FGFR1: variants seen among roughly 807,000 people sequenced by gnomAD.
FGFR1 encodes fibroblast growth factor receptor 1, also known as FGFR1/PLAG1 fusion.
Under a neutral mutation model 93.7 loss-of-function variants are expected in FGFR1, and 18 were observed. That is an observed-to-expected ratio of 0.19 (90% CI 0.13 to 0.28). The LOEUF (loss-of-function observed/expected upper bound fraction) is 0.28. Among genes scored for constraint, FGFR1 ranks in the 10% least tolerant of loss-of-function variants. The probability of loss-of-function intolerance (pLI) is 1.00; values close to 1 mark genes in which losing one functional copy is unlikely to be tolerated. For synonymous variants in FGFR1, 448 were observed against 429.3 expected (o/e 1.04, Z -0.54); for missense variants, 731 against 1,080.4 (o/e 0.68, Z 4.53).
At chr8:38,466,982 A>G (rs975010476) in intron 1 of FGFR1, among the ~76,000 whole-genome samples, 1 of 151,482 alleles carries the variant, frequency 6.6e-6, no homozygotes, top group Non-Finnish European at 1.5e-5. Context: ...AAGGTCCATA[A>G]AATTCCTCCG....
At position 38,415,879 on chromosome 8, in the gene FGFR1, G is replaced by C. The variant is rs768986378; in HGVS notation, c.1845C>G (p.Ala615=). The C allele has an allele frequency of 6.2e-7, 1 of 1,613,644 alleles. No individual in the cohort carries two copies. Among genetic ancestry groups the C allele is most frequent in the Admixed American group, 1.7e-5 (1 of 60,030 alleles). ...YQVARGMEYL[A]SKKCIHRDLA... ...CCTTCAGGTTCCACACCTTCTTGGA[G>C]GCCAGATACTCCATGCCTCGGGCCA... Residue 615 remains alanine, a synonymous_variant, in exon 13 of 18, where the codon GCC becomes GCG. Coordinates refer to ENST00000447712, the MANE Select transcript of FGFR1 (RefSeq NM_023110.3).
chr8:38,452,200 G>GACACACAGACACAC (rs1391126494), intron 2 of FGFR1, among the ~76,000 whole-genome samples: 14 of 139,186 alleles, frequency 1.0e-4, no homozygotes, highest in African/African-American at 3.3e-4. Flanking sequence ...CAGACACACA[G>GACACACAGACACAC]ACACACACAC....
chr8:38,424,825 A>G lies in FGFR1; in HGVS notation c.746-126T>C. 1 of 932,716 alleles carries G rather than the reference A, an allele frequency of 1.1e-6. No individual in the cohort carries two copies. 57.8% of individuals were successfully genotyped at this position (932,716 alleles called of 1,614,324 possible). On this transcript the variant is annotated intron_variant, in intron 6 of 17. Coordinates refer to ENST00000447712, the MANE Select transcript of FGFR1 (RefSeq NM_023110.3). The surrounding 1 kb of genome is among the most constrained non-coding windows in gnomAD (Gnocchi z 4.3). ...TGTAAACCTCCCAGCACTTCTGCTGAGCCCAAGCCTCTCAAAACAGAGCTG... is the reference window on the plus strand; with the variant it reads ...TGTAAACCTCCCAGCACTTCTGCTGGGCCCAAGCCTCTCAAAACAGAGCTG...
At chr8:38,467,096 G>A (rs906163851) in intron 1 of FGFR1, among the ~76,000 whole-genome samples, 1 of 151,948 alleles carries the variant, frequency 6.6e-6, no homozygotes, top group Non-Finnish European at 1.5e-5. Context: ...CATCGCTGCC[G>A]AGTGAACCAC....
intron 2 of FGFR1, among the ~76,000 whole-genome samples, chr8:38,456,435 C>G (rs1832870888): frequency 6.6e-6 from 1 of 152,158 alleles, no homozygotes; most frequent in Non-Finnish European, 1.5e-5. Flanking sequence ...CTCCATGCCC[C>G]TTTATGCTTC....
At position 38,429,163 on chromosome 8, in the gene FGFR1, T is replaced by G. The variant is rs1821881810; in HGVS notation, c.358+519A>C. 1 of 371,442 alleles carries G rather than the reference T, an allele frequency of 2.7e-6. No individual in the cohort carries two copies. Among genetic ancestry groups the G allele is most frequent in the Non-Finnish European group, 5.3e-6 (1 of 187,902 alleles). The allele number at this position is 371,442 out of a possible 1,614,324, so 23.0% of individuals were successfully genotyped here. A position where few individuals can be genotyped will look rare whatever the true frequency, so the allele number is the denominator to read the frequency against. ...TCCTCAACTCCTAGTTTTGTGAAAG[T>G]CACATTCTAAGAGTGGCAAGTTCCC... On this transcript the variant is annotated intron_variant, in intron 3 of 17. Coordinates refer to ENST00000447712, the MANE Select transcript of FGFR1 (RefSeq NM_023110.3). This position sits in a 1 kb window ranked among gnomAD's most constrained non-coding sequence, Gnocchi z 4.4.
At chr8:38,425,748 T>G (rs1212624729) in intron 6 of FGFR1, among the ~76,000 whole-genome samples, 1 of 152,190 alleles carries the variant, frequency 6.6e-6, no homozygotes, top group Non-Finnish European at 1.5e-5. Context: ...CTGCCCACCT[T>G]GCAGGTGTGC....
intron 2 of FGFR1, among the ~76,000 whole-genome samples, chr8:38,433,093 T>C (rs1823886290): frequency 1.3e-5 from 2 of 152,122 alleles, no homozygotes; most frequent in African/African-American, 4.8e-5. Flanking sequence ...ATCCCAGCAC[T>C]TGGGGAGGCT....
At chr8:38,457,287 T>A (rs2151337290) in intron 2 of FGFR1, 69 bp downstream of exon 2, 5 of 1,555,294 alleles carry the variant, frequency 3.2e-6, no homozygotes, top group Non-Finnish European at 4.4e-6. Context: ...TGCAACCATA[T>A]CACCTCCCTC....
At chr8:38,422,552 C>G (rs1284497318) in intron 7 of FGFR1, among the ~76,000 whole-genome samples, 2 of 152,144 alleles carry the variant, frequency 1.3e-5, no homozygotes, top group African/African-American at 2.4e-5. Flanking sequence ...TACAGGCACA[C>G]GCCACCATAC....
intron 1 of FGFR1, chr8:38,461,078 G>A (rs1381491389): frequency 1.3e-6 from 2 of 1,536,072 alleles, no homozygotes; most frequent in Admixed American, 2.0e-5. Context: ...ACTCATCAGA[G>A]GGGGCTGAAA....
chr8:38,417,311 T>C lies in FGFR1; in HGVS notation c.1658A>G (p.Gln553Arg). 1 of 1,612,942 alleles carries C rather than the reference T, an allele frequency of 6.2e-7. No individual in the cohort carries two copies. The highest frequency in any genetic ancestry group is 1.1e-5 in the South Asian group (1 of 91,082). ...NIINLLGACT[Q>R]DGPLYVIVEY... ...CCAGTCTGGCCGGCACCCACCATCC[T>C]GCGTGCAGGCCCCCAGCAGGTTGAT... The change falls in exon 12 of 18, where the codon CAG becomes CGG. Residue 553 changes from glutamine to arginine, a missense_variant. Physicochemically the swap from Gln to Arg is conservative, Grantham distance 43. Transcript: ENST00000447712.
chr8:38,467,562 T>C (rs915727234), intron 1 of FGFR1: 1 of 234,632 alleles, frequency 4.3e-6, no homozygotes, highest in Non-Finnish European at 8.4e-6. Context: ...CACACACACA[T>C]AACACACACA....
intron 2 of FGFR1, among the ~76,000 whole-genome samples, chr8:38,441,671 A>G (rs527822451): frequency 1.3e-5 from 2 of 152,338 alleles, no homozygotes; most frequent in South Asian, 2.1e-4. Context: ...GCGGCTATGG[A>G]GGAGGGCCGT....
intron 12 of FGFR1, among the ~76,000 whole-genome samples, chr8:38,417,056 A>G (rs1054848481): frequency 3.9e-5 from 6 of 152,204 alleles, no homozygotes; most frequent in Non-Finnish European, 7.3e-5. Flanking sequence ...ACCCAGCCTG[A>G]GCGCTCTTAG....
chr8:38,437,642 G>T (rs1825885586), intron 2 of FGFR1, among the ~76,000 whole-genome samples: 1 of 152,188 alleles, frequency 6.6e-6, no homozygotes, highest in African/African-American at 2.4e-5. Flanking sequence ...CCTGGTCTGA[G>T]GGGCAGTGGG....
rs1213683426 is a variant in FGFR1, at chr8:38,428,395, G to T, written c.399C>A (p.Asp133Glu). The change falls in exon 4 of 18, where the codon GAC becomes GAA. Residue 133 changes from aspartate to glutamate, a missense_variant. This residue lies in a region of FGFR1 where 212 missense variants were observed against 205.8 expected (regional missense o/e 1.03). Coordinates refer to ENST00000447712, the MANE Select transcript of FGFR1 (RefSeq NM_023110.3). ...CTGTTTCTTTCTCCTCTGAAGAGGA[G>T]TCATCATCATCATCATCATCCTCCG... ...PSSEDDDDDD[D>E]SSSEEKETDN... 5 of 1,613,514 alleles carry T rather than the reference G, an allele frequency of 3.1e-6. No homozygotes were observed. Among genetic ancestry groups the T allele is most frequent in the Non-Finnish European group, 3.4e-6 (4 of 1,179,712 alleles).
intron 1 of FGFR1, chr8:38,466,843 C>CA (rs1489526123): frequency 1.9e-5 from 4 of 208,218 alleles, no homozygotes; most frequent in Non-Finnish European, 3.9e-5. Flanking sequence ...TAATGTTTTT[C>CA]AAAAGGGTTG....
intron 3 of FGFR1, chr8:38,428,921 TA>T (rs1340195163): frequency 3.3e-6 from 1 of 299,970 alleles, no homozygotes; most frequent in Non-Finnish European, 6.5e-6. Flanking sequence ...CTGCCCTCCT[TA>T]ATCAGAGCAG....
Sources: allele counts gnomAD v4.1 joint callset (sites outside exome capture counted in the v4.1 genomes callset), GRCh38; gene constraint gnomAD v4.1.1; regional missense constraint gnomAD v4.1.1; non-coding constraint Gnocchi (gnomAD v3.1); transcripts MANE v1.5; gene names NCBI Gene and HGNC (gene_info 2026-07-23, HGNC 2026-07-21).